LIPH: variants seen among roughly 807,000 people sequenced by gnomAD.
LIPH encodes the protein lipase member H.
In LIPH, 32 loss-of-function variants were observed where a neutral mutation model predicts 47.6. The ratio of observed to expected loss-of-function variants is 0.67; its 90% CI spans 0.51 to 0.90. The LOEUF (loss-of-function observed/expected upper bound fraction) is 0.90, where lower values mean the gene tolerates loss of function less well. LIPH is among the 40% of genes least tolerant of loss of function. The pLI is 0.00. For missense variants in LIPH, 497 were observed against 541.4 expected (o/e 0.92, Z 0.81); for synonymous variants, 190 against 195.6 (o/e 0.97, Z 0.24).
intron 1 of LIPH, among the ~76,000 whole-genome samples, chr3:185,538,770 CAT>C (rs1553825001): frequency 1.1e-4 from 1 of 8,886 alleles, no homozygotes; most frequent in Non-Finnish European, 4.2e-4. Context: ...TATATATGTA[CAT>C]ATATACACAC....
intron 5 of LIPH, among the ~76,000 whole-genome samples, chr3:185,520,224 T>C (rs1719858015): frequency 6.6e-6 from 1 of 152,068 alleles, no homozygotes; most frequent in Admixed American, 6.6e-5. Flanking sequence ...ATCGTTATCA[T>C]AAAAGTAAAT....
intron 1 of LIPH, among the ~76,000 whole-genome samples, chr3:185,548,785 C>T (rs531587753): frequency 2.9e-4 from 44 of 151,682 alleles, no homozygotes; most frequent in African/African-American, 7.3e-4. Context: ...CAAAACAAAC[C>T]GCATCCTGAG....
At chr3:185,536,019 C>T (rs1409829831) in intron 1 of LIPH, among the ~76,000 whole-genome samples, 1 of 152,152 alleles carries the variant, frequency 6.6e-6, no homozygotes, top group Non-Finnish European at 1.5e-5. Flanking sequence ...CTTAATGAAG[C>T]CTTCTCTGAC....
chr3:185,521,525 AAG>A (rs1346539936), intron 5 of LIPH, among the ~76,000 whole-genome samples: 2 of 152,216 alleles, frequency 1.3e-5, no homozygotes, highest in Non-Finnish European at 2.9e-5. Context: ...ACTCAAGAGC[AAG>A]AGTCATTCAG....
At chr3:185,524,197 A>T (rs1459241882) in intron 4 of LIPH, 37 bp from the exon 5 acceptor site, 1 of 1,224,458 alleles carries the variant, frequency 8.2e-7, no homozygotes, top group Admixed American at 1.7e-5. Flanking sequence ...TACTCCTTTG[A>T]ATTTTTCCTA....
intron 1 of LIPH, among the ~76,000 whole-genome samples, chr3:185,548,746 AAAACAAAACAAAACAAAAC>A (rs1366793909): frequency 4.1e-5 from 3 of 73,638 alleles, no homozygotes; most frequent in African/African-American, 2.1e-4. Context: ...AAACAAAACA[AAAACAAAACAAAACAAAAC>A]AAAACAAAAC....
At chr3:185,551,893 A>G (rs903187289) in intron 1 of LIPH, among the ~76,000 whole-genome samples, 6 of 152,058 alleles carry the variant, frequency 3.9e-5, no homozygotes, top group African/African-American at 1.2e-4. Context: ...ATTATGATTA[A>G]TAATTTTTAA....
At chr3:185,512,427 G>T (rs953388711) in intron 8 of LIPH, among the ~76,000 whole-genome samples, 7 of 151,990 alleles carry the variant, frequency 4.6e-5, no homozygotes, top group African/African-American at 1.7e-4. Context: ...TTTCTGGGGA[G>T]GTGGAAGAAC....
At chr3:185,531,373 T>G (rs1323781040) in intron 3 of LIPH, among the ~76,000 whole-genome samples, 2 of 150,512 alleles carry the variant, frequency 1.3e-5, no homozygotes, top group African/African-American at 4.9e-5. Context: ...ATGGCGAAAC[T>G]CCATCTCTAG....
At chr3:185,528,963 A>G (rs1720214441) in intron 3 of LIPH, among the ~76,000 whole-genome samples, 1 of 149,258 alleles carries the variant, frequency 6.7e-6, no homozygotes, top group Non-Finnish European at 1.5e-5. Flanking sequence ...GGAGATTGAG[A>G]CCATCCTGGC....
At position 185,548,745 on chromosome 3, in the gene LIPH, AAAAACAAAACAAAAC is replaced by A. The variant is rs199898458; in HGVS notation, c.49+3663_49+3677del. 3.2e-3 allele frequency among the ~76,000 whole-genome samples: 489 copies of A among 151,496 alleles called. 1 individual carries two copies. The highest frequency in any genetic ancestry group is 0.011 in the African/African-American group (443 of 41,162). On this transcript the variant is annotated intron_variant, in intron 1 of 9. Transcript: ENST00000296252. ...CTCCATCTCAGAAACAAAACAAAACAAAAACAAAACAAAACAAAACAAAACAAAACAAAACAAACC... is the reference window on the plus strand; with the variant it reads ...CTCCATCTCAGAAACAAAACAAAACAAAAACAAAACAAAACAAAACAAACC...
At position 185,527,516 on chromosome 3, in the gene LIPH, T is replaced by G. The variant is rs746244349; in HGVS notation, c.596A>C (p.Gln199Pro). ...HQDRLDPSDA[Q>P]FVDVIHSDTD... ...GTCGGAATGGATGACATCAACAAAC[T>G]GCGCATCACTGGGATCTAATCTGTC... Residue 199 changes from glutamine to proline, a missense_variant, in exon 4 of 10, where the codon CAG becomes CCG. Transcript: ENST00000296252. The G allele has an allele frequency of 5.0e-6, 8 of 1,612,818 alleles. No individual in the cohort carries two copies. Among genetic ancestry groups the G allele is most frequent in the Non-Finnish European group, 6.8e-6 (8 of 1,179,700 alleles).
intron 8 of LIPH, 69 bp downstream of exon 8, chr3:185,514,341 G>A: frequency 1.3e-6 from 1 of 789,226 alleles, no homozygotes; most frequent in South Asian, 1.3e-5. Context: ...AAAGTAGGTG[G>A]ATTTGTGATT....
Position 185,507,921 on chromosome 3 carries a change from C to G in LIPH, c.*869G>C, listed in dbSNP as rs546952271. On this transcript the variant is annotated 3_prime_UTR_variant, in exon 10 of 10. Coordinates refer to ENST00000296252, the MANE Select transcript of LIPH (RefSeq NM_139248.3). Reference sequence around the variant, plus strand: ...GAGCGTTGCCTGTAAAGTGATCCTTCTCCACCTTAGGTGAAAAATAAGCTC... The same window carrying G: ...GAGCGTTGCCTGTAAAGTGATCCTTGTCCACCTTAGGTGAAAAATAAGCTC... 6.6e-6 allele frequency: 1 copy of G among 152,358 alleles called. No homozygotes were observed. The highest frequency in any genetic ancestry group is 2.4e-5 in the African/African-American group (1 of 41,576). 9.4% of individuals were successfully genotyped at this position (152,358 alleles called of 1,614,324 possible). A position where few individuals can be genotyped will look rare whatever the true frequency, so the allele number is the denominator to read the frequency against.
chr3:185,520,301 A>G (rs373217399), intron 5 of LIPH, among the ~76,000 whole-genome samples: 2 of 151,978 alleles, frequency 1.3e-5, no homozygotes, highest in Non-Finnish European at 2.9e-5. Flanking sequence ...TGGGTGGATC[A>G]TGAGGTCAGG....
intron 3 of LIPH, 141 bp from the exon 4 acceptor site, chr3:185,527,726 G>GC: frequency 2.9e-6 from 2 of 681,636 alleles, no homozygotes; most frequent in Non-Finnish European, 5.4e-6. Flanking sequence ...GTCCCACTTG[G>GC]CCAGGACTCC....
Position 185,552,551 on chromosome 3 carries a change from T to G in LIPH, c.-80A>C. 71 of 1,054,932 alleles carry G rather than the reference T, an allele frequency of 6.7e-5. No homozygotes were observed. Among genetic ancestry groups the G allele is most frequent in the Non-Finnish European group, 9.5e-5 (64 of 672,348 alleles). The allele number at this position is 1,054,932 out of a possible 1,614,324, so 65.3% of individuals were successfully genotyped here. ...GGCTTAAGAGTTTCCACTGTGGGAT[T>G]TTGCTCACAGTGAGCTCAGACGACT... On this transcript the variant is annotated 5_prime_UTR_variant, in exon 1 of 10. Coordinates refer to ENST00000296252, the MANE Select transcript of LIPH (RefSeq NM_139248.3).
intron 3 of LIPH, among the ~76,000 whole-genome samples, chr3:185,529,987 A>AGG (rs1553823343): frequency 0.045 from 6,696 of 148,654 alleles, 280 homozygotes; most frequent in East Asian, 0.096. Context: ...AGAGAGAGAG[A>AGG]GAGAAAATAA....
rs778332912 is a variant in LIPH at position 185,534,749 on chromosome 3, A to G, written c.417+16T>C. ...GTTTCAACTTAGCTCTGAATCATCTAAGAGAATTCTCTTACCAACATCTGG... is the reference window on the plus strand; with the variant it reads ...GTTTCAACTTAGCTCTGAATCATCTGAGAGAATTCTCTTACCAACATCTGG... On this transcript the variant is annotated intron_variant, in intron 2 of 9. Coordinates refer to ENST00000296252, the MANE Select transcript of LIPH (RefSeq NM_139248.3). 2 of 1,612,514 alleles carry G rather than the reference A, an allele frequency of 1.2e-6. No homozygotes were observed. Among genetic ancestry groups the G allele is most frequent in the Admixed American group, 1.7e-5 (1 of 60,002 alleles).
Sources: allele counts gnomAD v4.1 joint callset (sites outside exome capture counted in the v4.1 genomes callset), GRCh38; gene constraint gnomAD v4.1.1; transcripts MANE v1.5; gene names NCBI Gene and HGNC (gene_info 2026-07-23, HGNC 2026-07-21).